MMP28: variants seen among roughly 807,000 people sequenced by gnomAD.
MMP28 encodes the protein matrix metallopeptidase 28.
A neutral mutation model predicts 60.5 loss-of-function variants in MMP28; 55 were observed. The ratio of observed to expected loss-of-function variants is 0.91; its 90% CI spans 0.73 to 1.14. The LOEUF (loss-of-function observed/expected upper bound fraction) is 1.14, where lower values mean the gene tolerates loss of function less well. Ranked by LOEUF, MMP28 falls within the 50% of genes most tolerant of loss-of-function variation. The pLI is 0.00. For missense variants in MMP28, 686 were observed against 738.3 expected (o/e 0.93, Z 0.82); for synonymous variants, 318 against 312.5 (o/e 1.02, Z -0.18).
At chr17:35,763,825 A>G, downstream of MMP28, 1 of 389,290 alleles carries the variant, frequency 2.6e-6, no homozygotes, top group Non-Finnish European at 4.1e-6. Context: ...TGAGCCCGTG[A>G]GGCGGAGGTT....
rs201181477 is a variant in MMP28, at chr17:35,767,841, C to T, written c.1079G>A (p.Arg360His). The change falls in exon 7 of 8, where the codon CGT (arginine) becomes CAT (histidine). Residue 360 changes from arginine (R) to histidine (H), a missense_variant. Coordinates refer to ENST00000605424, the MANE Select transcript of MMP28 (RefSeq NM_024302.5). Reference sequence around the variant, plus strand: ...CCCGACCCATCTTTCCTGCAGTGGACGGGGCTCTGAGACGTTGCCATCAGC... The same window carrying T: ...CCCGACCCATCTTTCCTGCAGTGGATGGGGCTCTGAGACGTTGCCATCAGC... ...VAADGNVSEP[R>H]PLQERWVGLP... is the part of the protein sequence containing the mutation. The T allele has an allele frequency of 7.3e-5, 118 of 1,612,026 alleles. No homozygotes were observed. Among genetic ancestry groups the T allele is most frequent in the Admixed American group, 3.5e-4 (21 of 59,728 alleles).
intron 6 of MMP28, 79 bp downstream of exon 6, chr17:35,768,151 C>T: frequency 6.7e-7 from 1 of 1,500,172 alleles, no homozygotes. Context: ...TCCATCCCCC[C>T]AACTTGTACT....
chr17:35,780,930 T>C (rs1294033795), intron 1 of MMP28, among the ~76,000 whole-genome samples: 2 of 152,144 alleles, frequency 1.3e-5, no homozygotes, highest in East Asian at 3.9e-4. Flanking sequence ...TAAAGAAACT[T>C]CACATCGGAA....
At position 35,768,364 on chromosome 17, in the gene MMP28, C is replaced by T. The variant is rs759609205; in HGVS notation, c.866G>A (p.Gly289Asp). The T allele has an allele frequency of 5.0e-6, 8 of 1,610,016 alleles. No homozygotes were observed. In the Admixed American group the frequency reaches 8.4e-5, roughly 17 times the overall value. Residue 289 changes from glycine (G) to aspartate (D), a missense_variant, in exon 6 of 8, where the codon GGC becomes GAC. Transcript: ENST00000605424. ...TCCTGGGAGCTGGACGGCCACTGAG[C>T]CCCCTAGGGGCTTCCCTTTGTGAGT... ...VQSLYGKPLG[G>D]SVAVQLPGKL...
chr17:35,770,296 G>A lies in MMP28; in HGVS notation c.621C>T (p.His207=), dbSNP rs765574799. ...AFDGPGGALA[H]AFLPRRGEAH... is the part of the protein sequence containing the mutation. ...CTTCGCCGCGGCGGGGCAGGAAGGC[G>A]TGCGCCAGGGCGCCCCCTGCAGGTG... Residue 207 remains histidine, a synonymous_variant, in exon 5 of 8, where the codon CAC becomes CAT. Coordinates refer to ENST00000605424, the MANE Select transcript of MMP28 (RefSeq NM_024302.5). 2.6e-6 allele frequency: 4 copies of A among 1,529,670 alleles called. No individual in the cohort carries two copies. Among genetic ancestry groups the A allele is most frequent in the South Asian group, 1.2e-5 (1 of 81,116 alleles). 94.8% of individuals were successfully genotyped at this position (1,529,670 alleles called of 1,614,324 possible). A position where few individuals can be genotyped will look rare whatever the true frequency, so the allele number is the denominator to read the frequency against.
chr17:35,756,995 C>G (rs1359953667), intron 2 of MMP28, among the ~76,000 whole-genome samples: 1 of 151,470 alleles, frequency 6.6e-6, no homozygotes, highest in Non-Finnish European at 1.5e-5. Flanking sequence ...GTCAGGAGCT[C>G]GAGAACAGCC....
At chr17:35,787,730 C>A (rs1032546675) in intron 1 of MMP28, among the ~76,000 whole-genome samples, 2 of 152,100 alleles carry the variant, frequency 1.3e-5, no homozygotes, top group Non-Finnish European at 2.9e-5. Context: ...CTCAAGTGAT[C>A]CACCTAACTT....
At chr17:35,785,908 G>T (rs943508005) in intron 1 of MMP28, among the ~76,000 whole-genome samples, 4 of 152,122 alleles carry the variant, frequency 2.6e-5, no homozygotes, top group African/African-American at 9.7e-5. Flanking sequence ...TACCTTTCTC[G>T]CAGGAGCATC....
intron 5 of MMP28, among the ~76,000 whole-genome samples, chr17:35,769,004 G>A (rs376122195): frequency 7.2e-5 from 11 of 152,288 alleles, no homozygotes; most frequent in African/African-American, 2.6e-4. Context: ...TGTCATGAGG[G>A]CAGAGTCCAG....
intron 1 of MMP28, among the ~76,000 whole-genome samples, chr17:35,783,975 T>G (rs62078170): frequency 0.092 from 13,991 of 152,182 alleles, 864 homozygotes; most frequent in Middle Eastern, 0.2. Flanking sequence ...GAATTTGACA[T>G]TTTGTATTTC....
At chr17:35,772,862 G>A (rs1157280975) in intron 4 of MMP28, among the ~76,000 whole-genome samples, 1 of 152,186 alleles carries the variant, frequency 6.6e-6, no homozygotes, top group African/African-American at 2.4e-5. Flanking sequence ...TGGAGAACAA[G>A]AGAAGCACAG....
intron 1 of MMP28, among the ~76,000 whole-genome samples, chr17:35,789,311 A>G (rs1163970827): frequency 2.0e-5 from 3 of 152,246 alleles, no homozygotes; most frequent in Admixed American, 6.5e-5. Flanking sequence ...TTAGAGCTAG[A>G]GAGAATCTTA....
In MMP28 at chr17:35,783,260, G is replaced by T. The variant is rs188393457; in HGVS notation, c.112-3937C>A. Among the ~76,000 whole-genome samples, 7 of 152,362 alleles carry T rather than the reference G, an allele frequency of 4.6e-5. No homozygotes were observed. In the East Asian group the frequency reaches 1.3e-3, roughly 29 times the overall value. On this transcript the variant is annotated intron_variant, in intron 1 of 7. Coordinates refer to ENST00000605424, the MANE Select transcript of MMP28 (RefSeq NM_024302.5). The stretch of plus-strand genomic sequence containing the variant: ...TAAAAGAATGCACATTTAGCATAGT[G>T]CCTGGTACAAAGTAAATACTCAATA...
chr17:35,782,612 C>T (rs543639762), intron 1 of MMP28, among the ~76,000 whole-genome samples: 1 of 152,148 alleles, frequency 6.6e-6, no homozygotes, highest in South Asian at 2.1e-4. Flanking sequence ...TGCATTAATT[C>T]ATTAGTATTT....
Position 35,766,674 on chromosome 17 carries a change from A to G in MMP28, c.1389T>C (p.Pro463=), listed in dbSNP as rs767332591. The G allele has an allele frequency of 6.2e-6, 10 of 1,609,718 alleles. No homozygotes were observed. Among genetic ancestry groups the G allele is most frequent in the South Asian group, 3.3e-5 (3 of 90,666 alleles). The change falls in exon 8 of 8, where the codon CCT becomes CCC. Residue 463 remains proline (P), a synonymous_variant. Transcript: ENST00000605424. This position sits in a 1 kb window ranked among gnomAD's most constrained non-coding sequence, Gnocchi z 4.3. ...TCGGCAGGGCGCCGCTGACCTCCTC[A>G]GGGATGCCTCCCCAGTCCTGCAGAC... The part of the protein sequence containing the change: ...PRSLQDWGGI[P]EEVSGALPRP...
intron 1 of MMP28, among the ~76,000 whole-genome samples, chr17:35,786,092 T>C (rs1159050296): frequency 6.6e-6 from 1 of 151,996 alleles, no homozygotes; most frequent in Non-Finnish European, 1.5e-5. Context: ...TTTCGCTTCT[T>C]GTTGCCCAAG....
chr17:35,765,684 C>A (rs79544064), downstream of MMP28, among the ~76,000 whole-genome samples: 2,612 of 152,346 alleles, frequency 0.017, 35 homozygotes, highest in South Asian at 0.035. Context: ...TGGCCTGGAG[C>A]TGCAAGGACA....
intron 1 of MMP28, among the ~76,000 whole-genome samples, chr17:35,792,341 A>G (rs2086838317): frequency 6.6e-6 from 1 of 152,108 alleles, no homozygotes; most frequent in Admixed American, 6.5e-5. Context: ...CCCAGACACC[A>G]TGTTATAAGG....
At chr17:35,772,177 T>G (rs750767268) in intron 4 of MMP28, among the ~76,000 whole-genome samples, 1 of 152,166 alleles carries the variant, frequency 6.6e-6, no homozygotes, top group Non-Finnish European at 1.5e-5. Context: ...TTCACTCTAT[T>G]CAACTCTCAC....
Sources: allele counts gnomAD v4.1 joint callset (sites outside exome capture counted in the v4.1 genomes callset), GRCh38; gene constraint gnomAD v4.1.1; non-coding constraint Gnocchi (gnomAD v3.1); transcripts MANE v1.5; gene names NCBI Gene and HGNC (gene_info 2026-07-23, HGNC 2026-07-21).